CSMD1: variants seen among roughly 807,000 people sequenced by gnomAD.
The protein encoded by CSMD1 is CUB and Sushi multiple domains 1.
In CSMD1, 213 loss-of-function variants were observed where a neutral mutation model predicts 417.5. That is an observed-to-expected ratio of 0.51 (90% CI 0.46 to 0.57). The LOEUF is 0.57. CSMD1 is among the 20% of genes least tolerant of loss of function. CSMD1 has a pLI of 0.00. For synonymous variants in CSMD1, 2,862 were observed against 1,736.8 expected (o/e 1.65, Z -16.11); for missense variants, 6,923 against 4,529.7 (o/e 1.53, Z -15.17).
chr8:3,129,996 G>C (rs1343878510), intron 41 of CSMD1, among the ~76,000 whole-genome samples: 1 of 151,958 alleles, frequency 6.6e-6, no homozygotes, highest in African/African-American at 2.4e-5. Context: ...AAAAAGAAAA[G>C]AAAAGTTAAA....
At chr8:3,218,815 C>T (rs912249515) in intron 29 of CSMD1, among the ~76,000 whole-genome samples, 2 of 151,612 alleles carry the variant, frequency 1.3e-5, no homozygotes, top group Admixed American at 6.6e-5. Flanking sequence ...GAGGTTGCAG[C>T]GAGCTGACAT....
chr8:4,063,974 G>A (rs1420229785), intron 3 of CSMD1, among the ~76,000 whole-genome samples: 1 of 152,150 alleles, frequency 6.6e-6, no homozygotes, highest in African/African-American at 2.4e-5. Flanking sequence ...AAAAGAGAGT[G>A]TGTGTTGGGA....
At chr8:3,265,780 T>C (rs974348821) in intron 26 of CSMD1, among the ~76,000 whole-genome samples, 1 of 152,134 alleles carries the variant, frequency 6.6e-6, no homozygotes, top group East Asian at 1.9e-4. Flanking sequence ...ATGACTTTGA[T>C]GCAGTTGCAC....
At chr8:4,220,955 G>A (rs989213852) in intron 3 of CSMD1, among the ~76,000 whole-genome samples, 1 of 152,322 alleles carries the variant, frequency 6.6e-6, no homozygotes, top group Non-Finnish European at 1.5e-5. Context: ...ACACGGTTGA[G>A]TGCGCAGGCG....
chr8:4,972,598 C>T (rs940084908), intron 1 of CSMD1, among the ~76,000 whole-genome samples: 1 of 152,104 alleles, frequency 6.6e-6, no homozygotes, highest in African/African-American at 2.4e-5. Context: ...AATTATCTCA[C>T]CTCAGGCAGT....
At chr8:3,615,659 A>G (rs1022210590) in intron 8 of CSMD1, among the ~76,000 whole-genome samples, 4 of 152,188 alleles carry the variant, frequency 2.6e-5, no homozygotes, top group South Asian at 4.1e-4. Context: ...TGTTACTCCA[A>G]TTTAACTAAA....
intron 3 of CSMD1, among the ~76,000 whole-genome samples, chr8:4,064,653 G>C (rs991685611): frequency 2.6e-5 from 4 of 152,170 alleles, no homozygotes; most frequent in Admixed American, 2.0e-4. Flanking sequence ...TTCTATGGCA[G>C]GTACACTCTG....
chr8:3,752,757 G>A (rs1035152095), intron 6 of CSMD1, among the ~76,000 whole-genome samples: 12 of 150,518 alleles, frequency 8.0e-5, no homozygotes, highest in Admixed American at 4.6e-4. Context: ...GAAGTTCTGC[G>A]TACATCATGT....
At chr8:4,965,669 G>C (rs4329292) in intron 1 of CSMD1, among the ~76,000 whole-genome samples, 108,654 of 152,120 alleles carry the variant, frequency 0.71, 40,213 homozygotes, top group African/African-American at 0.9. Flanking sequence ...CATGCTCTTA[G>C]TCTCCCATAA....
intron 2 of CSMD1, among the ~76,000 whole-genome samples, chr8:4,512,284 C>G (rs954754766): frequency 6.6e-6 from 1 of 152,160 alleles, no homozygotes; most frequent in Non-Finnish European, 1.5e-5. Context: ...AAGAGGGAAA[C>G]CTTCTCAATC....
At chr8:4,317,563 C>CAA (rs1159364503) in intron 3 of CSMD1, among the ~76,000 whole-genome samples, 2 of 151,588 alleles carry the variant, frequency 1.3e-5, no homozygotes, top group East Asian at 3.9e-4. Context: ...TTAAAGTGTC[C>CAA]AAGTTAAGTG....
At chr8:4,533,159 G>A (rs773728460) in intron 2 of CSMD1, among the ~76,000 whole-genome samples, 6 of 152,182 alleles carry the variant, frequency 3.9e-5, no homozygotes, top group Non-Finnish European at 8.8e-5. Context: ...CCCAGCTAAT[G>A]TTTTCAGGGT....
intron 1 of CSMD1, among the ~76,000 whole-genome samples, chr8:4,966,559 G>A (rs946046180): frequency 6.6e-6 from 1 of 152,166 alleles, no homozygotes; most frequent in Non-Finnish European, 1.5e-5. Flanking sequence ...AGTGACTGAT[G>A]TGCAAGTGTC....
intron 10 of CSMD1, among the ~76,000 whole-genome samples, chr8:3,568,386 G>C (rs948372066): frequency 6.6e-6 from 1 of 151,986 alleles, no homozygotes; most frequent in South Asian, 2.1e-4. Flanking sequence ...TACAGTTTTT[G>C]TCAATTATAC....
chr8:4,804,237 C>A (rs11136780), intron 1 of CSMD1, among the ~76,000 whole-genome samples: 63,801 of 151,832 alleles, frequency 0.42, 13,736 homozygotes, highest in Middle Eastern at 0.5. Context: ...TAAAATACAC[C>A]TTCTAAAGCT....
At chr8:4,856,907 C>T (rs1364601606) in intron 1 of CSMD1, among the ~76,000 whole-genome samples, 1 of 152,118 alleles carries the variant, frequency 6.6e-6, no homozygotes, top group African/African-American at 2.4e-5. Context: ...AGCTCTGAAC[C>T]AAGTGGACCT....
At chr8:4,508,255 A>G (rs1409970329) in intron 2 of CSMD1, among the ~76,000 whole-genome samples, 1 of 151,630 alleles carries the variant, frequency 6.6e-6, no homozygotes, top group African/African-American at 2.4e-5. Flanking sequence ...ATTTTTCATC[A>G]GCTGTGTGTC....
intron 5 of CSMD1, among the ~76,000 whole-genome samples, chr8:3,988,343 A>G (rs1210291055): frequency 3.3e-5 from 5 of 152,250 alleles, no homozygotes; most frequent in Non-Finnish European, 5.9e-5. Flanking sequence ...GAAATAGCAT[A>G]ACTACTGCAA....
intron 5 of CSMD1, among the ~76,000 whole-genome samples, chr8:3,902,452 AT>A (rs548451464): frequency 3.3e-5 from 5 of 151,530 alleles, no homozygotes; most frequent in South Asian, 2.1e-4. Context: ...CATGAAAGAC[AT>A]TTTTTTTTCC....
Sources: allele counts gnomAD v4.1 joint callset (sites outside exome capture counted in the v4.1 genomes callset), GRCh38; gene constraint gnomAD v4.1.1; transcripts MANE v1.5; gene names NCBI Gene and HGNC (gene_info 2026-07-23, HGNC 2026-07-21).